Variants in AP3B1 observed in about 807,000 individuals in gnomAD.
The protein encoded by AP3B1 is adaptor related protein complex 3 subunit beta 1.
In AP3B1, 61 loss-of-function variants were observed where a neutral mutation model predicts 132.5. The observed-to-expected ratio is 0.46, with a 90% CI of 0.37 to 0.57. The LOEUF is 0.57. AP3B1 is among the 20% of genes least tolerant of loss of function. The pLI is 0.00. For synonymous variants in AP3B1, 388 were observed against 438.3 expected, an observed-to-expected ratio of 0.89 and a Z score of 1.43; for missense variants, 1,120 against 1,289.4, an observed-to-expected ratio of 0.87 and a Z score of 2.01.
intron 22 of AP3B1, among the ~76,000 whole-genome samples, chr5:78,086,752 T>C (rs252763): frequency 0.17 from 26,195 of 152,206 alleles, 2,872 homozygotes; most frequent in Admixed American, 0.28. Flanking sequence ...AATGAAACTA[T>C]TAACATTCAA....
At chr5:78,052,756 C>G (rs555814816) in intron 22 of AP3B1, among the ~76,000 whole-genome samples, 8 of 152,184 alleles carry the variant, frequency 5.3e-5, no homozygotes, top group Non-Finnish European at 1.2e-4. Flanking sequence ...ACTTCACTAT[C>G]AATACACTTA....
At chr5:78,215,953 G>A in intron 7 of AP3B1, 102 bp downstream of exon 7, 2 of 1,049,174 alleles carry the variant, frequency 1.9e-6, no homozygotes, top group Non-Finnish European at 2.9e-6. Context: ...CCTTAAATAT[G>A]CAGATTTCTC....
rs757469164 is a variant in AP3B1 at position 78,294,586 on chromosome 5, G to A, written c.-7C>T. On this transcript the variant is annotated 5_prime_UTR_variant, in exon 1 of 27. Transcript: ENST00000255194. ...GAAAACTATTGCTGGACATTGCCGC[G>A]GTGCTGGCGGGTGCGGGGTTGGTCC... is the stretch of plus-strand genomic sequence containing the variant. 1.9e-6 allele frequency: 3 copies of A among 1,613,878 alleles called. No homozygotes were observed. Among genetic ancestry groups the A allele is most frequent in the Non-Finnish European group, 2.5e-6 (3 of 1,180,052 alleles).
intron 7 of AP3B1, among the ~76,000 whole-genome samples, chr5:78,187,701 A>G (rs1210419323): frequency 6.6e-6 from 1 of 152,212 alleles, no homozygotes; most frequent in Non-Finnish European, 1.5e-5. Flanking sequence ...TTAAACTACC[A>G]TTGACATTCT....
intron 2 of AP3B1, among the ~76,000 whole-genome samples, chr5:78,242,531 C>G (rs1318590989): frequency 6.6e-6 from 1 of 152,104 alleles, no homozygotes; most frequent in Non-Finnish European, 1.5e-5. Context: ...TTCAGTCTCC[C>G]GAGTAGCTGG....
In AP3B1 at chr5:78,278,628, G is replaced by GAAAAAA. The variant is rs1561217286; in HGVS notation, c.129-11034_129-11033insTTTTTT. Among the ~76,000 whole-genome samples the GAAAAAA allele has an allele frequency of 1.6e-3, 70 of 42,664 alleles. 1 individual carries two copies. Among genetic ancestry groups the GAAAAAA allele is most frequent in the African/African-American group, 5.0e-3 (66 of 13,310 alleles). 28.0% of individuals were successfully genotyped at this position (42,664 alleles called of 152,430 possible). On this transcript the variant is annotated intron_variant, in intron 1 of 26. Coordinates refer to ENST00000255194, the MANE Select transcript of AP3B1 (RefSeq NM_003664.5). ...AAAAAAAAAAAAAAAAAAAAAAAGG[G>GAAAAAA]GGGGGGGGACTAATTAATTATGAGG... is the stretch of plus-strand genomic sequence containing the variant.
chr5:78,202,208 T>TCC (rs1337991612), intron 7 of AP3B1, among the ~76,000 whole-genome samples: 1 of 152,182 alleles, frequency 6.6e-6, no homozygotes, highest in South Asian at 2.1e-4. Flanking sequence ...TTGTAAGGCC[T>TCC]CCCCAGCCAC....
At chr5:78,282,870 C>A (rs1467218528) in intron 1 of AP3B1, among the ~76,000 whole-genome samples, 1 of 145,866 alleles carries the variant, frequency 6.9e-6, no homozygotes, top group Non-Finnish European at 1.5e-5. Context: ...AAAAAAATAG[C>A]TAGGCATGGT....
At chr5:78,179,865 A>G (rs1300244503) in intron 8 of AP3B1, among the ~76,000 whole-genome samples, 1 of 152,186 alleles carries the variant, frequency 6.6e-6, no homozygotes, top group Non-Finnish European at 1.5e-5. Flanking sequence ...ACCAAAATAC[A>G]CTGACACAAA....
chr5:78,104,019 G>A (rs1224290056), intron 20 of AP3B1, among the ~76,000 whole-genome samples: 1 of 152,032 alleles, frequency 6.6e-6, no homozygotes, highest in African/African-American at 2.4e-5. Context: ...TGCATTCTAA[G>A]AGGAAACCAT....
chr5:78,123,970 T>C (rs1361723844), intron 17 of AP3B1, among the ~76,000 whole-genome samples: 2 of 152,204 alleles, frequency 1.3e-5, no homozygotes, highest in Non-Finnish European at 1.5e-5. Flanking sequence ...AACGACAGAC[T>C]GGATTAAGAA....
At chr5:78,009,319 G>A (rs1197981281) in intron 26 of AP3B1, among the ~76,000 whole-genome samples, 3 of 151,748 alleles carry the variant, frequency 2.0e-5, no homozygotes, top group Non-Finnish European at 2.9e-5. Context: ...AATTAGCTGG[G>A]CATGGTGGCA....
chr5:78,208,001 C>A (rs1324947325), intron 7 of AP3B1, among the ~76,000 whole-genome samples: 2 of 152,050 alleles, frequency 1.3e-5, no homozygotes, highest in Admixed American at 6.6e-5. Flanking sequence ...CTCCCATCTA[C>A]CCACTCTTAA....
chr5:78,163,878 A>G lies in AP3B1; in HGVS notation c.1231-927T>C, dbSNP rs183722801. Among the ~76,000 whole-genome samples the G allele has an allele frequency of 7.9e-5, 12 of 151,996 alleles. No homozygotes were observed. In the East Asian group the frequency reaches 2.3e-3, roughly 29 times the overall value. On this transcript the variant is annotated intron_variant, in intron 12 of 26. Transcript: ENST00000255194. ...CATGAAATTTGAAAGGTCATTTACAATCGAAATTTTTAAGAAAGATTCCCA... is the reference window on the plus strand; with the variant it reads ...CATGAAATTTGAAAGGTCATTTACAGTCGAAATTTTTAAGAAAGATTCCCA...
intron 17 of AP3B1, among the ~76,000 whole-genome samples, chr5:78,122,704 A>G (rs1485224495): frequency 6.6e-6 from 1 of 152,204 alleles, no homozygotes; most frequent in Non-Finnish European, 1.5e-5. Flanking sequence ...AGAGGATACA[A>G]ACAAATGGAG....
chr5:78,259,878 G>A (rs1013649466), intron 2 of AP3B1, among the ~76,000 whole-genome samples: 2 of 152,104 alleles, frequency 1.3e-5, no homozygotes, highest in Admixed American at 6.5e-5. Flanking sequence ...GCTGAGGCAG[G>A]AGGATCACTT....
chr5:78,190,421 T>C (rs1423946784), intron 7 of AP3B1, among the ~76,000 whole-genome samples: 1 of 152,136 alleles, frequency 6.6e-6, no homozygotes, highest in East Asian at 1.9e-4. Context: ...GTTAATGAAA[T>C]GAAGGAGATG....
intron 2 of AP3B1, among the ~76,000 whole-genome samples, chr5:78,247,867 G>A (rs570046440): frequency 6.6e-6 from 1 of 152,168 alleles, no homozygotes; most frequent in Non-Finnish European, 1.5e-5. Flanking sequence ...TACCATTTTA[G>A]TATCCGTTTC....
At chr5:78,115,982 G>A (rs1205581288) in intron 18 of AP3B1, 144 bp downstream of exon 18, 7 of 701,660 alleles carry the variant, frequency 1.0e-5, no homozygotes, top group Non-Finnish European at 1.5e-5. Context: ...ACTAAAGAGT[G>A]ATATATAAAT....
Sources: allele counts gnomAD v4.1 joint callset (sites outside exome capture counted in the v4.1 genomes callset), GRCh38; gene constraint gnomAD v4.1.1; transcripts MANE v1.5; gene names NCBI Gene and HGNC (gene_info 2026-07-23, HGNC 2026-07-21).